SMARCAD1: variants seen among roughly 807,000 people sequenced by gnomAD.
SMARCAD1 encodes the protein SNF2 related chromatin remodeling ATPase with DExD box 1.
Under a neutral mutation model 127.1 loss-of-function variants are expected in SMARCAD1, and 25 were observed. The observed-to-expected ratio is 0.20, with a 90% confidence interval of 0.14 to 0.27. The LOEUF (loss-of-function observed/expected upper bound fraction) is 0.27. SMARCAD1 is among the 10% of genes least tolerant of loss of function. The probability of loss-of-function intolerance (pLI) is 1.00; values close to 1 mark genes in which losing one functional copy is unlikely to be tolerated. For missense variants in SMARCAD1, 807 were observed against 1,206.0 expected (o/e 0.67, Z 4.90); for synonymous variants, 400 against 396.9 (o/e 1.01, Z -0.09).
intron 3 of SMARCAD1, among the ~76,000 whole-genome samples, chr4:94,227,202 A>C (rs1390568792): frequency 6.6e-6 from 1 of 152,102 alleles, no homozygotes; most frequent in African/African-American, 2.4e-5. Context: ...GTTTTTGAGG[A>C]AAGTGGGAGG....
chr4:94,212,230 A>T (rs1311391250), intron 2 of SMARCAD1, among the ~76,000 whole-genome samples: 3 of 152,196 alleles, frequency 2.0e-5, no homozygotes, highest in Non-Finnish European at 4.4e-5. Flanking sequence ...GCTAGAGTGC[A>T]GTGGCAGAAT....
chr4:94,269,637 T>C (rs1752250855), intron 10 of SMARCAD1, among the ~76,000 whole-genome samples: 1 of 152,140 alleles, frequency 6.6e-6, no homozygotes, highest in Non-Finnish European at 1.5e-5. Context: ...TTAATAGTTT[T>C]TAACCATTTG....
Position 94,278,447 on chromosome 4 carries a change from A to G in SMARCAD1, c.2108A>G (p.Tyr703Cys). The stretch of plus-strand genomic sequence containing the variant: ...AAATCAGCAGATGAGCAAAGCATAT[A>G]TGAAAAGGAGAGAATAGCACATGCA... ...KTKSADEQSI[Y>C]EKERIAHAKQ... The change falls in exon 17 of 24, where the codon TAT (tyrosine) becomes TGT (cysteine). Residue 703 changes from tyrosine (Y) to cysteine (C), a missense_variant. This residue lies in a region of SMARCAD1 where 148 missense variants were observed against 313.2 expected (regional missense o/e 0.47). Coordinates refer to ENST00000354268, the MANE Select transcript of SMARCAD1 (RefSeq NM_020159.5). 1.2e-6 allele frequency: 2 copies of G among 1,613,844 alleles called. No individual in the cohort carries two copies. Among genetic ancestry groups the G allele is most frequent in the Non-Finnish European group, 1.7e-6 (2 of 1,179,814 alleles).
chr4:94,253,864 G>T (rs1382953713), intron 9 of SMARCAD1, among the ~76,000 whole-genome samples: 1 of 152,156 alleles, frequency 6.6e-6, no homozygotes, highest in Non-Finnish European at 1.5e-5. Context: ...ATATAGGCCT[G>T]TTGTAAAAGC....
chr4:94,284,326 C>CAAA (rs1161926658), intron 22 of SMARCAD1, among the ~76,000 whole-genome samples: 1,868 of 25,888 alleles, frequency 0.072, 399 homozygotes, highest in African/African-American at 0.19. Flanking sequence ...GACTCCGTCT[C>CAAA]AAAAAAAAAA....
intron 2 of SMARCAD1, among the ~76,000 whole-genome samples, chr4:94,217,352 T>G (rs1421133956): frequency 6.6e-6 from 1 of 152,172 alleles, no homozygotes; most frequent in Non-Finnish European, 1.5e-5. Context: ...CATCTTTGGG[T>G]CTGTTAATCT....
chr4:94,284,543 G>C (rs1051268933), intron 22 of SMARCAD1, among the ~76,000 whole-genome samples: 3 of 148,692 alleles, frequency 2.0e-5, no homozygotes, highest in African/African-American at 7.5e-5. Flanking sequence ...GATTACAGGT[G>C]TGTGCCACCA....
intron 15 of SMARCAD1, 78 bp from the exon 16 acceptor site, chr4:94,276,944 C>G: frequency 6.9e-7 from 1 of 1,449,086 alleles, no homozygotes; most frequent in Non-Finnish European, 9.7e-7. Flanking sequence ...CCTCCCTTCA[C>G]CTTTCACTGG....
At position 94,245,179 on chromosome 4, in the gene SMARCAD1, G is replaced by A. The variant is rs915400248; in HGVS notation, c.705+4173G>A. Among the ~76,000 whole-genome samples the A allele has an allele frequency of 5.9e-5, 9 of 152,296 alleles. No individual in the cohort carries two copies. In the East Asian group the frequency reaches 1.7e-3, roughly 29 times the overall value. ...CTAAGAAAAACAGTTTGGACTCGGA[G>A]CAGTCAAAAATGAGGATATTGAGAA... On this transcript the variant is annotated intron_variant, in intron 6 of 23. Coordinates refer to ENST00000354268, the MANE Select transcript of SMARCAD1 (RefSeq NM_020159.5).
intron 2 of SMARCAD1, among the ~76,000 whole-genome samples, chr4:94,223,748 TTTTTTTTTTTTTA>T (rs1336784549): frequency 9.8e-6 from 1 of 102,424 alleles, no homozygotes; most frequent in Non-Finnish European, 2.2e-5. Context: ...TTTTTTTTTT[TTTTTTTTTTTTTA>T]AAGTAGAGAC....
intron 9 of SMARCAD1, among the ~76,000 whole-genome samples, chr4:94,254,931 G>C (rs1190616301): frequency 2.0e-5 from 3 of 151,894 alleles, no homozygotes; most frequent in Non-Finnish European, 4.4e-5. Flanking sequence ...CCCTACCCTA[G>C]AGCAGATTTA....
intron 23 of SMARCAD1, among the ~76,000 whole-genome samples, chr4:94,288,118 A>G (rs1755212361): frequency 6.6e-6 from 1 of 152,226 alleles, no homozygotes; most frequent in African/African-American, 2.4e-5. Flanking sequence ...TAATAAAGTC[A>G]ATTGTAAACA....
Position 94,251,432 on chromosome 4 carries a change from TTTTG to T in SMARCAD1, c.889+611_889+614del, listed in dbSNP as rs747442635. Among the ~76,000 whole-genome samples, 321 of 152,274 alleles carry T rather than the reference TTTTG, an allele frequency of 2.1e-3. 2 individuals are homozygous for T. Among genetic ancestry groups the T allele is most frequent in the Non-Finnish European group, 3.8e-4 (26 of 68,012 alleles). On this transcript the variant is annotated intron_variant, in intron 8 of 23. Transcript: ENST00000354268. Reference sequence around the variant, plus strand: ...GCTTTTGGTGTTTTGGTTTGGGTTTTTTTGTTTGTTTGTTTTTAATAAATTGTTT... The same window carrying T: ...GCTTTTGGTGTTTTGGTTTGGGTTTTTTTGTTTGTTTTTAATAAATTGTTT...
chr4:94,290,166 T>A lies in SMARCAD1; in HGVS notation c.*632T>A. 2.2e-6 allele frequency: 1 copy of A among 454,534 alleles called. No homozygotes were observed. Among genetic ancestry groups the A allele is most frequent in the Non-Finnish European group, 4.4e-6 (1 of 226,762 alleles). The allele number at this position is 454,534 out of a possible 1,614,324, so 28.2% of individuals were successfully genotyped here. A position where few individuals can be genotyped will look rare whatever the true frequency, so the allele number is the denominator to read the frequency against. On this transcript the variant is annotated 3_prime_UTR_variant, in exon 24 of 24. Coordinates refer to ENST00000354268, the MANE Select transcript of SMARCAD1 (RefSeq NM_020159.5). ...AAATTTATTTGGCTAGGCACTAAGT[T>A]GTTTTCCAGTGAATAGTAACTAAAG...
intron 9 of SMARCAD1, among the ~76,000 whole-genome samples, chr4:94,263,870 T>C (rs981958221): frequency 6.6e-6 from 1 of 151,962 alleles, no homozygotes; most frequent in Non-Finnish European, 1.5e-5. Flanking sequence ...TCTCATCCTT[T>C]CCACTAAAAA....
chr4:94,277,301 T>A, intron 16 of SMARCAD1, 142 bp downstream of exon 16: 1 of 993,828 alleles, frequency 1.0e-6, no homozygotes, highest in Non-Finnish European at 1.5e-6. Context: ...TATATTTGGA[T>A]TGGTTTGGAA....
intron 8 of SMARCAD1, among the ~76,000 whole-genome samples, 153 bp from the exon 9 acceptor site, chr4:94,252,459 TTAAG>T (rs1199327170): frequency 1.3e-5 from 2 of 152,348 alleles, no homozygotes; most frequent in East Asian, 1.9e-4. Context: ...CAAATTCTAC[TTAAG>T]TATTTTTAAA....
intron 6 of SMARCAD1, among the ~76,000 whole-genome samples, chr4:94,247,447 A>T (rs1290801495): frequency 6.6e-6 from 1 of 152,184 alleles, no homozygotes; most frequent in East Asian, 1.9e-4. Flanking sequence ...ACAACACATG[A>T]TAGGCACACC....
Position 94,226,887 on chromosome 4 carries a change from A to T in SMARCAD1, c.368+591A>T, listed in dbSNP as rs187954118. ...TCTTTTTTTTTTTCTTGTTTTTTCT[A>T]GAGGTGGGGTCTTGCTATGTTGTCC... On this transcript the variant is annotated intron_variant, in intron 3 of 23. Coordinates refer to ENST00000354268, the MANE Select transcript of SMARCAD1 (RefSeq NM_020159.5). 9.1e-4 allele frequency among the ~76,000 whole-genome samples: 138 copies of T among 151,038 alleles called. 1 individual carries two copies. The highest frequency in any genetic ancestry group is 3.3e-3 in the African/African-American group (135 of 41,074).
Sources: gnomAD v4.1 joint callset for allele counts (sites outside exome capture counted in the v4.1 genomes callset) on GRCh38, gnomAD v4.1.1 for gene constraint, gnomAD v4.1.1 regional missense constraint, MANE v1.5 for transcripts, NCBI Gene and HGNC (gene_info 2026-07-23, HGNC 2026-07-21) for gene names.